NOC3L: variants seen among roughly 807,000 people sequenced by gnomAD.
NOC3L encodes nucleolar complex protein 3 homolog.
In NOC3L, 85 loss-of-function variants were observed where a neutral mutation model predicts 102.5. The ratio of observed to expected loss-of-function variants is 0.83; its 90% CI spans 0.70 to 0.99. The LOEUF is 0.99. Ranked by LOEUF, NOC3L falls within the 50% of genes least tolerant of loss-of-function variation. The pLI is 0.00. For synonymous variants in NOC3L, 303 were observed against 309.4 expected (o/e 0.98, Z 0.22); for missense variants, 878 against 914.9 (o/e 0.96, Z 0.52).
chr10:94,325,490 G>A, the NOC3L span: 1 of 202,350 alleles, frequency 4.9e-6, no homozygotes, highest in East Asian at 1.3e-4. Context: ...AGCTACTGGG[G>A]AGGCTGAGGC....
chr10:94,340,837 C>CG (rs1263022465), intron 14 of NOC3L, among the ~76,000 whole-genome samples: 54 of 150,804 alleles, frequency 3.6e-4, no homozygotes, highest in East Asian at 1.9e-4. Context: ...AAAAATTAAC[C>CG]GGGCATGGTG....
chr10:94,334,198 A>G lies in NOC3L; in HGVS notation c.2382T>C (p.Tyr794=), dbSNP rs1198278622. 1.9e-6 allele frequency: 3 copies of G among 1,552,750 alleles called. No homozygotes were observed. The highest frequency in any genetic ancestry group is 2.2e-5 in the East Asian group (1 of 44,554). The change falls in exon 21 of 21, where the codon TAT becomes TAC. Residue 794 remains tyrosine, a synonymous_variant. Transcript: ENST00000371361. Reference sequence around the variant, plus strand: ...TCTACTAGTGTAGTGATGTTTTCAAATATTTCGTGAAATCCAGAGGCGATT... The same window carrying G: ...TCTACTAGTGTAGTGATGTTTTCAAGTATTTCGTGAAATCCAGAGGCGATT... ...ATESPLDFTK[Y]LKTSLH is the part of the protein sequence containing the mutation.
chr10:94,324,456 C>T, the NOC3L span: 1 of 1,613,898 alleles, frequency 6.2e-7, no homozygotes, highest in Non-Finnish European at 8.5e-7. Flanking sequence ...AGAAGACTAC[C>T]ACACCAAAGT....
At chr10:94,324,916 G>A in the NOC3L span, 8 of 1,614,124 alleles carry the variant, frequency 5.0e-6, no homozygotes, top group East Asian at 1.8e-4. Flanking sequence ...TAAAAAGAAA[G>A]GCATTTCTTT....
chr10:94,356,551 C>T lies in NOC3L; in HGVS notation c.549G>A (p.Glu183=), dbSNP rs929639835. The T allele has an allele frequency of 6.3e-7, 1 of 1,584,694 alleles. No homozygotes were observed. Among genetic ancestry groups the T allele is most frequent in the East Asian group, 2.2e-5 (1 of 44,600 alleles). ...SNKDEEDQEE[E]RELEEEIIED... is the part of the protein sequence containing the mutation. ...ACATATTACCTTCCTCAAGTTCCCT[C>T]TCTTCTTCTTGATCCTCTTCATCTT... The change falls in exon 5 of 21, where the codon GAG becomes GAA. Residue 183 remains glutamate (E), a synonymous_variant. Coordinates refer to ENST00000371361, the MANE Select transcript of NOC3L (RefSeq NM_022451.11).
Position 94,344,103 on chromosome 10 carries a change from T to G in NOC3L, c.1571+312A>C, listed in dbSNP as rs187874271. Among the ~76,000 whole-genome samples, 10 of 152,262 alleles carry G rather than the reference T, an allele frequency of 6.6e-5. No homozygotes were observed. The East Asian group carries it at 1.9e-3, about 29-fold the overall frequency. ...CTTAAGAGTCATCTGCATGATCCACTCAAACTATGACGATGGGCAATTGAC... is the reference window on the plus strand; with the variant it reads ...CTTAAGAGTCATCTGCATGATCCACGCAAACTATGACGATGGGCAATTGAC... On this transcript the variant is annotated intron_variant, in intron 13 of 20. Coordinates refer to ENST00000371361, the MANE Select transcript of NOC3L (RefSeq NM_022451.11).
At chr10:94,340,572 A>G (rs2054271291) in intron 14 of NOC3L, 76 bp from the exon 15 acceptor site, 1 of 1,272,230 alleles carries the variant, frequency 7.9e-7, no homozygotes, top group Admixed American at 2.0e-5. Context: ...TTTAAAAAAG[A>G]ACTTTAAGGC....
At chr10:94,359,262 G>A (rs569809252) in intron 2 of NOC3L, among the ~76,000 whole-genome samples, 262 of 151,962 alleles carry the variant, frequency 1.7e-3, no homozygotes, top group Non-Finnish European at 3.1e-3. Flanking sequence ...CCATCTCTAC[G>A]AAAAATACAA....
At position 94,344,785 on chromosome 10, in the gene NOC3L, A is replaced by C. The variant is rs974743410; in HGVS notation, c.1470+68T>G. ...CCAAAATTACACAGCTACAAGCTGAAACAATAAATTTCTAGTTTAAACAAC... is the reference window on the plus strand; with the variant it reads ...CCAAAATTACACAGCTACAAGCTGACACAATAAATTTCTAGTTTAAACAAC... On this transcript the variant is annotated intron_variant, in intron 12 of 20. Coordinates refer to ENST00000371361, the MANE Select transcript of NOC3L (RefSeq NM_022451.11). 6.2e-6 allele frequency: 8 copies of C among 1,300,260 alleles called. No individual in the cohort carries two copies. The African/African-American group carries it at 8.9e-5, about 14-fold the overall frequency. The allele number at this position is 1,300,260 out of a possible 1,614,324, so 80.5% of individuals were successfully genotyped here.
Position 94,337,780 on chromosome 10 carries a change from C to T in NOC3L, c.2186G>A (p.Arg729Gln), listed in dbSNP as rs775786615. Residue 729 changes from arginine (R) to glutamine (Q), a missense_variant, in exon 19 of 21, where the codon CGA becomes CAA. Transcript: ENST00000371361. ...ATAAGGCAATGCTAAATATTACCTT[C>T]GACTCAACTCTGGTTTGAGTGCTCC... ...GSGALKPELSRRSATELFEAY... is the reference protein window; with the variant it reads ...GSGALKPELSQRSATELFEAY... The T allele has an allele frequency of 2.2e-5, 35 of 1,607,818 alleles. No homozygotes were observed. Among genetic ancestry groups the T allele is most frequent in the Admixed American group, 1.5e-4 (9 of 59,806 alleles).
the NOC3L span, chr10:94,321,905 T>C: frequency 6.2e-7 from 1 of 1,612,450 alleles, no homozygotes; most frequent in South Asian, 1.1e-5. Flanking sequence ...ACATAGAACC[T>C]AGAAGAGAAA....
chr10:94,344,629 A>G (rs1217592581), intron 12 of NOC3L, 114 bp from the exon 13 acceptor site: 1 of 728,428 alleles, frequency 1.4e-6, no homozygotes, highest in Non-Finnish European at 2.3e-6. Flanking sequence ...CCCTCCCCAC[A>G]ATGCAATCTT....
intron 13 of NOC3L, among the ~76,000 whole-genome samples, chr10:94,343,701 A>AGT (rs2054311626): frequency 6.6e-6 from 1 of 152,216 alleles, no homozygotes; most frequent in Non-Finnish European, 1.5e-5. Context: ...GTAAAATATA[A>AGT]GTGTTCGAAA....
chr10:94,359,723 CA>C (rs1391741609), intron 2 of NOC3L, among the ~76,000 whole-genome samples: 2 of 151,562 alleles, frequency 1.3e-5, no homozygotes, highest in African/African-American at 4.9e-5. Flanking sequence ...GGCTTTTATC[CA>C]AAAGACAGGC....
the NOC3L span, chr10:94,316,654 C>T: frequency 6.2e-7 from 1 of 1,612,832 alleles, no homozygotes; most frequent in Non-Finnish European, 8.5e-7. Flanking sequence ...AACAACCATT[C>T]CAGAGAGCCA....
rs368862439 is a variant in NOC3L at position 94,339,887 on chromosome 10, T to C, written c.1814A>G (p.Gln605Arg). 1.5e-5 allele frequency: 24 copies of C among 1,614,038 alleles called. No homozygotes were observed. The highest frequency in any genetic ancestry group is 1.9e-5 in the Non-Finnish European group (23 of 1,180,008). ...ATNEGVEIVL[Q>R]CLDVMLTKRR... ...CTTAGTTAGCATGACATCAAGGCACTGGAGTACAATCTCAACACCTTCATT... is the reference window on the plus strand; with the variant it reads ...CTTAGTTAGCATGACATCAAGGCACCGGAGTACAATCTCAACACCTTCATT... Residue 605 changes from glutamine to arginine, a missense_variant, in exon 17 of 21, where the codon CAG (glutamine) becomes CGG (arginine). By Grantham distance (43) the Gln-to-Arg change is conservative. Transcript: ENST00000371361.
chr10:94,345,488 G>A (rs1222017844), intron 11 of NOC3L, among the ~76,000 whole-genome samples: 2 of 151,992 alleles, frequency 1.3e-5, no homozygotes, highest in African/African-American at 2.4e-5. Context: ...AGCAGTAAAT[G>A]ATAATTTCTA....
chr10:94,324,478 G>A, the NOC3L span: 1 of 1,614,174 alleles, frequency 6.2e-7, no homozygotes, highest in Admixed American at 1.7e-5. Flanking sequence ...CTCTCAGCGG[G>A]TCCTTCTGGA....
At chr10:94,344,710 C>T in intron 12 of NOC3L, 143 bp downstream of exon 12, 1 of 694,118 alleles carries the variant, frequency 1.4e-6, no homozygotes, top group East Asian at 2.6e-5. Context: ...GATCACATCA[C>T]AGTTTCCCGC....
Sources: allele counts gnomAD v4.1 joint callset (sites outside exome capture counted in the v4.1 genomes callset), GRCh38; gene constraint gnomAD v4.1.1; transcripts MANE v1.5; gene names NCBI Gene and HGNC (gene_info 2026-07-23, HGNC 2026-07-21).